L3MBTL4: variants seen among roughly 807,000 people sequenced by gnomAD.
L3MBTL4 encodes L3MBTL histone methyl-lysine binding protein 4, also known as lethal(3)malignant brain tumor-like protein 4.
In L3MBTL4, 70 loss-of-function variants were observed where a neutral mutation model predicts 84.5. That is an observed-to-expected ratio of 0.83 (90% confidence interval 0.68 to 1.01). The LOEUF (loss-of-function observed/expected upper bound fraction) is 1.01. Among genes scored for constraint, L3MBTL4 ranks in the 50% least tolerant of loss-of-function variants. L3MBTL4 has a pLI of 0.00. For synonymous variants in L3MBTL4, 274 were observed against 259.8 expected (o/e 1.05, Z -0.52); for missense variants, 715 against 754.8 (o/e 0.95, Z 0.62).
chr18:6,128,515 A>G (rs1239730250), intron 14 of L3MBTL4, among the ~76,000 whole-genome samples: 1 of 152,110 alleles, frequency 6.6e-6, no homozygotes, highest in African/African-American at 2.4e-5. Context: ...GCGTGGGAAG[A>G]GGAACAGTCC....
At chr18:5,982,124 T>C (rs192534134) in intron 16 of L3MBTL4, among the ~76,000 whole-genome samples, 39 of 152,172 alleles carry the variant, frequency 2.6e-4, no homozygotes, top group Admixed American at 2.2e-3. Flanking sequence ...AATGAAGGAA[T>C]AGAATTAGCC....
chr18:6,202,764 G>A (rs2045701598), intron 12 of L3MBTL4, among the ~76,000 whole-genome samples: 2 of 152,138 alleles, frequency 1.3e-5, no homozygotes, highest in South Asian at 2.1e-4. Context: ...AGCTGAGGAT[G>A]CCTAGGGAAG....
chr18:6,403,374 C>T (rs1237802086), intron 1 of L3MBTL4, among the ~76,000 whole-genome samples: 1 of 152,200 alleles, frequency 6.6e-6, no homozygotes, highest in East Asian at 1.9e-4. Context: ...CAATGCTGTT[C>T]AATGACTCTC....
intron 12 of L3MBTL4, among the ~76,000 whole-genome samples, chr18:6,201,346 G>T (rs1374781331): frequency 6.6e-6 from 1 of 152,154 alleles, no homozygotes; most frequent in Non-Finnish European, 1.5e-5. Flanking sequence ...ATTTTACCAT[G>T]AGTTTCTCCT....
Position 5,960,094 on chromosome 18 carries a change from C to G in L3MBTL4, c.1677G>C (p.Glu559Asp), listed in dbSNP as rs759025728. The part of the protein sequence containing the change: ...CEEHAKCFKK[E>D]QIDGKAFLLL... Reference sequence around the variant, plus strand: ...TATATATAATTTTTGCATCTCTTACCTCTTTCTTAAAGCACTTGGCATGCT... The same window carrying G: ...TATATATAATTTTTGCATCTCTTACGTCTTTCTTAAAGCACTTGGCATGCT... The change falls in exon 18 of 19, where the codon GAG becomes GAC. Residue 559 changes from glutamate to aspartate, a missense_variant and splice_region_variant. Glu to Asp is a conservative substitution (Grantham distance 45, BLOSUM62 2). Transcript: ENST00000317931. 7.0e-7 allele frequency: 1 copy of G among 1,427,746 alleles called. No homozygotes were observed. Among genetic ancestry groups the G allele is most frequent in the Non-Finnish European group, 9.3e-7 (1 of 1,073,080 alleles). 88.4% of individuals were successfully genotyped at this position (1,427,746 alleles called of 1,614,324 possible).
At chr18:6,315,417 A>G (rs183491230) in intron 1 of L3MBTL4, among the ~76,000 whole-genome samples, 1 of 152,348 alleles carries the variant, frequency 6.6e-6, no homozygotes, top group Non-Finnish European at 1.5e-5. Context: ...AGTAGCTAAC[A>G]TTACTTGAGT....
At chr18:6,014,602 G>A (rs1361865434) in intron 16 of L3MBTL4, among the ~76,000 whole-genome samples, 3 of 152,144 alleles carry the variant, frequency 2.0e-5, no homozygotes, top group Non-Finnish European at 4.4e-5. Context: ...GAAGCCAGAG[G>A]TGAGAGGAGC....
intron 16 of L3MBTL4, among the ~76,000 whole-genome samples, chr18:6,021,523 T>C (rs936387706): frequency 1.3e-5 from 2 of 152,200 alleles, no homozygotes; most frequent in African/African-American, 4.8e-5. Flanking sequence ...CGTGCCATCC[T>C]GTTCCCCTTT....
intron 8 of L3MBTL4, among the ~76,000 whole-genome samples, chr18:6,240,883 TG>T (rs1599298391): frequency 6.6e-6 from 1 of 152,212 alleles, no homozygotes; most frequent in East Asian, 1.9e-4. Context: ...ACTAGATTTC[TG>T]GGGACACGGA....
Position 5,960,015 on chromosome 18 carries a change from T to C in L3MBTL4, c.1677+79A>G, listed in dbSNP as rs2095254542. ...CTAGAAGTATAGAAATACATACATATATATATATACATATATATATATACA... is the reference window on the plus strand; with the variant it reads ...CTAGAAGTATAGAAATACATACATACATATATATACATATATATATATACA... On this transcript the variant is annotated intron_variant, in intron 18 of 18. Transcript: ENST00000317931. 1.0e-5 allele frequency: 3 copies of C among 288,844 alleles called. 1 individual carries two copies. In the South Asian group the frequency reaches 3.1e-4, roughly 30 times the overall value. The allele number at this position is 288,844 out of a possible 1,614,324, so 17.9% of individuals were successfully genotyped here.
At chr18:6,330,728 A>G (rs1475509457) in intron 1 of L3MBTL4, among the ~76,000 whole-genome samples, 1 of 152,254 alleles carries the variant, frequency 6.6e-6, no homozygotes, top group Non-Finnish European at 1.5e-5. Flanking sequence ...ATATATTCTG[A>G]AAGTGTTTTT....
intron 16 of L3MBTL4, among the ~76,000 whole-genome samples, chr18:5,993,450 C>A (rs1322310967): frequency 6.6e-6 from 1 of 152,182 alleles, no homozygotes; most frequent in African/African-American, 2.4e-5. Flanking sequence ...AGAGCATATG[C>A]CCACTATTTT....
intron 16 of L3MBTL4, among the ~76,000 whole-genome samples, chr18:6,019,650 G>C (rs2055161528): frequency 6.6e-6 from 1 of 152,116 alleles, no homozygotes; most frequent in African/African-American, 2.4e-5. Flanking sequence ...TGTAAAGTGA[G>C]GTATTATCTC....
Position 6,022,506 on chromosome 18 carries a change from T to A in L3MBTL4, c.1445-52944A>T, listed in dbSNP as rs2055316869. Among the ~76,000 whole-genome samples, 5 of 152,206 alleles carry A rather than the reference T, an allele frequency of 3.3e-5. No individual in the cohort carries two copies. The South Asian group carries it at 8.3e-4, about 25-fold the overall frequency. ...TTATAGACATCCAATGATTTCTTACTGCCAACAGATTATAGCTGATGCTCT... is the reference window on the plus strand; with the variant it reads ...TTATAGACATCCAATGATTTCTTACAGCCAACAGATTATAGCTGATGCTCT... On this transcript the variant is annotated intron_variant, in intron 16 of 18. Coordinates refer to ENST00000317931, the MANE Select transcript of L3MBTL4 (RefSeq NM_001330559.2).
intron 16 of L3MBTL4, among the ~76,000 whole-genome samples, chr18:5,992,659 T>C (rs2053758103): frequency 6.6e-6 from 1 of 152,162 alleles, no homozygotes; most frequent in Admixed American, 6.5e-5. Flanking sequence ...AAGTGAGCTC[T>C]CACTCTGAGT....
intron 16 of L3MBTL4, among the ~76,000 whole-genome samples, chr18:5,977,116 C>T (rs934019976): frequency 3.9e-5 from 6 of 152,164 alleles, no homozygotes; most frequent in African/African-American, 1.4e-4. Context: ...CTCCCTCATC[C>T]AGGGAGAAGT....
chr18:6,340,991 C>A (rs1257748138), intron 1 of L3MBTL4, among the ~76,000 whole-genome samples: 1 of 152,102 alleles, frequency 6.6e-6, no homozygotes, highest in Non-Finnish European at 1.5e-5. Flanking sequence ...AAAAGGCACA[C>A]AATCCTAAGA....
In L3MBTL4 at chr18:6,284,109, G is replaced by A. The variant is rs1226425116; in HGVS notation, c.127+17794C>T. Among the ~76,000 whole-genome samples, 3 of 152,146 alleles carry A rather than the reference G, an allele frequency of 2.0e-5. No individual in the cohort carries two copies. The East Asian group carries it at 5.8e-4, about 29-fold the overall frequency. On this transcript the variant is annotated intron_variant, in intron 4 of 18. Transcript: ENST00000317931. ...GATGCTGTCTTAGGGGAAAATCTTT[G>A]TTGTTGTTGTTTGGTATCATTCAAT...
intron 1 of L3MBTL4, among the ~76,000 whole-genome samples, chr18:6,354,822 A>G (rs2053361471): frequency 6.6e-6 from 1 of 152,188 alleles, no homozygotes; most frequent in Admixed American, 6.5e-5. Context: ...ACCCTCGTAT[A>G]CTGTTGGCAG....
Sources: allele counts gnomAD v4.1 joint callset (sites outside exome capture counted in the v4.1 genomes callset), GRCh38; gene constraint gnomAD v4.1.1; transcripts MANE v1.5; gene names NCBI Gene and HGNC (gene_info 2026-07-23, HGNC 2026-07-21).